The following PCID2 variants were observed in gnomAD, a reference collection of about 807,000 sequenced individuals.
PCID2 encodes PCI domain-containing protein 2.
Under a neutral mutation model 61.3 loss-of-function variants are expected in PCID2, and 41 were observed. That is an observed-to-expected ratio of 0.67 (90% CI 0.52 to 0.87). The LOEUF (loss-of-function observed/expected upper bound fraction) is 0.87. Among genes scored for constraint, PCID2 ranks in the 40% least tolerant of loss-of-function variants. The pLI, the probability that PCID2 is intolerant of heterozygous loss-of-function variation, is 0.00. For missense variants in PCID2, 392 were observed against 493.4 expected (o/e 0.79, Z 1.95); for synonymous variants, 187 against 177.8 (o/e 1.05, Z -0.41).
chr13:113,178,097 C>A lies in PCID2; in HGVS notation c.*101G>T. On this transcript the variant is annotated 3_prime_UTR_variant, in exon 14 of 14. Coordinates refer to ENST00000337344, the MANE Select transcript of PCID2 (RefSeq NM_001127202.4). ...CCTGGGAAAAGCGCCTCCAAGAGTTCCGGCTTCAGGGAGCCTTGTTGCAGT... is the reference window on the plus strand; with the variant it reads ...CCTGGGAAAAGCGCCTCCAAGAGTTACGGCTTCAGGGAGCCTTGTTGCAGT... 1 of 756,686 alleles carries A rather than the reference C, an allele frequency of 1.3e-6. No homozygotes were observed. Among genetic ancestry groups the A allele is most frequent in the Admixed American group, 2.7e-5 (1 of 37,340 alleles). 46.9% of individuals were successfully genotyped at this position (756,686 alleles called of 1,614,324 possible).
At chr13:113,171,626 A>G in the PCID2 span, 1 of 1,614,196 alleles carries the variant, frequency 6.2e-7, no homozygotes, top group Non-Finnish European at 8.5e-7. This position sits in a 1 kb window ranked among gnomAD's most constrained non-coding sequence, Gnocchi z 5.1. Context: ...CCCGCTGATG[A>G]TCAAGATAAC....
intron 10 of PCID2, among the ~76,000 whole-genome samples, chr13:113,180,871 C>T (rs2037568557): frequency 6.6e-6 from 1 of 152,088 alleles, no homozygotes; most frequent in South Asian, 2.1e-4. Flanking sequence ...GTCACATGAA[C>T]GTTAAACTCT....
At chr13:113,194,478 G>A (rs1379548608) in intron 6 of PCID2, among the ~76,000 whole-genome samples, 1 of 152,036 alleles carries the variant, frequency 6.6e-6, no homozygotes, top group Non-Finnish European at 1.5e-5. Flanking sequence ...CAACTCCCAG[G>A]GTTTTAACTG....
the PCID2 span, chr13:113,166,402 T>C: frequency 6.6e-6 from 1 of 152,146 alleles, no homozygotes; most frequent in South Asian, 2.1e-4. Flanking sequence ...GCCGTGTGGA[T>C]GGCACAGCCT....
At chr13:113,207,293 G>C (rs535610048) in intron 1 of PCID2, among the ~76,000 whole-genome samples, 2 of 152,294 alleles carry the variant, frequency 1.3e-5, no homozygotes, top group African/African-American at 4.8e-5. Flanking sequence ...AAGCTAAGTT[G>C]TATGTTTTTA....
chr13:113,197,307 A>G (rs2039089370), intron 3 of PCID2, 64 bp from the exon 4 acceptor site: 2 of 1,147,712 alleles, frequency 1.7e-6, no homozygotes, highest in East Asian at 4.7e-5. Context: ...TGCAGCCCAC[A>G]CAGCTCACTT....
In PCID2 at chr13:113,179,196, A is replaced by C; in HGVS notation, c.987-107T>G. The C allele has an allele frequency of 1.2e-6, 1 of 825,136 alleles. No homozygotes were observed. The highest frequency in any genetic ancestry group is 1.8e-6 in the Non-Finnish European group (1 of 540,660). The allele number at this position is 825,136 out of a possible 1,614,324, so 51.1% of individuals were successfully genotyped here. On this transcript the variant is annotated intron_variant, in intron 12 of 13. Transcript: ENST00000337344. This position sits in a 1 kb window ranked among gnomAD's most constrained non-coding sequence, Gnocchi z 4.3. The stretch of plus-strand genomic sequence containing the variant: ...GCCGGTGTTCTAAAGGAGTAAAAAA[A>C]TTCCCACCTATTAGATAAACTCTAA...
chr13:113,183,429 A>G (rs1343477222), intron 9 of PCID2, among the ~76,000 whole-genome samples: 1 of 152,172 alleles, frequency 6.6e-6, no homozygotes, highest in African/African-American at 2.4e-5. Context: ...GCTTCATATT[A>G]AGAGAAAAAA....
chr13:113,200,991 T>C (rs1211529751), intron 1 of PCID2, among the ~76,000 whole-genome samples: 2 of 152,140 alleles, frequency 1.3e-5, no homozygotes, highest in Non-Finnish European at 2.9e-5. Flanking sequence ...AAGTCAGTGG[T>C]TTATCATGTA....
intron 6 of PCID2, among the ~76,000 whole-genome samples, chr13:113,192,929 C>G (rs1262422543): frequency 6.6e-6 from 1 of 152,002 alleles, no homozygotes; most frequent in Non-Finnish European, 1.5e-5. Context: ...AAGAGAGATC[C>G]CTTGCCCCAT....
rs1044250248 is a variant in PCID2, at chr13:113,185,419, T to C, written c.543+66A>G. ...CCAGGGAGGCTAGCTGATATATATATGATATGTGGGAAGCCCAGGACAATC... is the reference window on the plus strand; with the variant it reads ...CCAGGGAGGCTAGCTGATATATATACGATATGTGGGAAGCCCAGGACAATC... On this transcript the variant is annotated intron_variant, in intron 8 of 13. Transcript: ENST00000337344. 1.5e-5 allele frequency: 16 copies of C among 1,054,908 alleles called. No individual in the cohort carries two copies. In the Admixed American group the frequency reaches 2.2e-4, roughly 15 times the overall value. 65.3% of individuals were successfully genotyped at this position (1,054,908 alleles called of 1,614,324 possible).
Position 113,179,925 on chromosome 13 carries a change from A to C in PCID2, c.978T>G (p.Phe326Leu). Residue 326 changes from phenylalanine (F) to leucine (L), a missense_variant, in exon 12 of 14, where the codon TTT becomes TTG. Around this residue, in one of 3 missense-constraint regions of PCID2, gnomAD observed 226 missense variants for 296.5 expected, o/e 0.76. Coordinates refer to ENST00000337344, the MANE Select transcript of PCID2 (RefSeq NM_001127202.4). The surrounding 1 kb of genome is among the most constrained non-coding windows in gnomAD (Gnocchi z 4.3). The part of the protein sequence containing the change: ...KLKIITYRNL[F>L]KKVYLLLKTH... The stretch of plus-strand genomic sequence containing the variant: ...GCCGGGGAAATGCTTACACTTTCTT[A>C]AAGAGGTTCCTGTAGGTGATGATCT... 6.2e-7 allele frequency: 1 copy of C among 1,612,932 alleles called. No homozygotes were observed. The highest frequency in any genetic ancestry group is 8.5e-7 in the Non-Finnish European group (1 of 1,179,528).
In PCID2 at chr13:113,190,854, C is replaced by T. The variant is rs1430549886; in HGVS notation, c.467+18G>A. ...CCACCAACAGCGTCTGGTGGTCGGT[C>T]CTCAAGTCCTTACTCACGTGTCGCT... On this transcript the variant is annotated intron_variant, in intron 7 of 13. Coordinates refer to ENST00000337344, the MANE Select transcript of PCID2 (RefSeq NM_001127202.4). 5 of 1,545,904 alleles carry T rather than the reference C, an allele frequency of 3.2e-6. No individual in the cohort carries two copies. The South Asian group carries it at 5.6e-5, about 17-fold the overall frequency.
rs1182321503 is a variant in PCID2, at chr13:113,184,459, A to T, written c.572T>A (p.Leu191Gln). The stretch of plus-strand genomic sequence containing the variant: ...GTTTGAGCTGTCAATTGCTCTAATT[A>T]GGGGTTTACATAAATGGAGTTTGTT... ...KINKLHLCKP[L>Q]IRAIDSSNLK... The change falls in exon 9 of 14, where the codon CTA (leucine) becomes CAA (glutamine). Residue 191 changes from leucine to glutamine, a missense_variant. Physicochemically the swap from Leu to Gln is moderately radical, Grantham distance 113. Transcript: ENST00000337344. 3 of 1,587,466 alleles carry T rather than the reference A, an allele frequency of 1.9e-6. No homozygotes were observed. The highest frequency in any genetic ancestry group is 2.6e-6 in the Non-Finnish European group (3 of 1,155,600).
Position 113,179,202 on chromosome 13 carries a change from A to C in PCID2, c.987-113T>G, listed in dbSNP as rs2037392807. The C allele has an allele frequency of 5.0e-6, 4 of 795,862 alleles. No homozygotes were observed. The highest frequency in any genetic ancestry group is 2.7e-5 in the East Asian group (1 of 36,844). The allele number at this position is 795,862 out of a possible 1,614,324, so 49.3% of individuals were successfully genotyped here. On this transcript the variant is annotated intron_variant, in intron 12 of 13. Transcript: ENST00000337344. The surrounding 1 kb of genome is among the most constrained non-coding windows in gnomAD (Gnocchi z 4.3). ...GTTCTAAAGGAGTAAAAAAATTCCCACCTATTAGATAAACTCTAAACTACA... is the reference window on the plus strand; with the variant it reads ...GTTCTAAAGGAGTAAAAAAATTCCCCCCTATTAGATAAACTCTAAACTACA...
Position 113,197,232 on chromosome 13 carries a change from G to A in PCID2, c.212C>T (p.Ala71Val), listed in dbSNP as rs376142406. The change falls in exon 4 of 14, where the codon GCA (alanine) becomes GTA (valine). Residue 71 changes from alanine (A) to valine (V), a missense_variant. Ala to Val is a moderately conservative substitution (Grantham distance 64). This residue lies in a region of PCID2 where 155 missense variants were observed against 164.9 expected (regional missense o/e 0.94). Transcript: ENST00000337344. ...MFAAHLRCTY[A>V]VGNHDFIEAY... ...CTCTATGAAGTCATGATTCCCCACT[G>A]CATAAGTGCACCTGGAGGAGAAACA... The A allele has an allele frequency of 1.4e-5, 23 of 1,610,448 alleles. No homozygotes were observed. The highest frequency in any genetic ancestry group is 1.9e-5 in the Non-Finnish European group (22 of 1,176,780).
At chr13:113,205,169 A>G (rs1227239033) in intron 1 of PCID2, among the ~76,000 whole-genome samples, 2 of 152,226 alleles carry the variant, frequency 1.3e-5, no homozygotes, top group Non-Finnish European at 2.9e-5. Flanking sequence ...ATGAAGAACT[A>G]CTGAAGATTA....
chr13:113,184,343 T>C lies in PCID2; in HGVS notation c.685+3A>G, dbSNP rs368227686. 3.1e-6 allele frequency: 5 copies of C among 1,611,768 alleles called. No individual in the cohort carries two copies. Among genetic ancestry groups the C allele is most frequent in the Non-Finnish European group, 4.2e-6 (5 of 1,178,052 alleles). Reference sequence around the variant, plus strand: ...TACTGGGAAAAAAAGATTAGCAACATACCTTGCTTAAAATCGCTGTCAAAC... The same window carrying C: ...TACTGGGAAAAAAAGATTAGCAACACACCTTGCTTAAAATCGCTGTCAAAC... On this transcript the variant is annotated splice_donor_region_variant and intron_variant, in intron 9 of 13. Coordinates refer to ENST00000337344, the MANE Select transcript of PCID2 (RefSeq NM_001127202.4).
rs527510804 is a variant in PCID2 at position 113,200,258 on chromosome 13, A to C, written c.126+169T>G. Among the ~76,000 whole-genome samples the C allele has an allele frequency of 4.6e-5, 7 of 152,372 alleles. No individual in the cohort carries two copies. The South Asian group carries it at 8.3e-4, about 18-fold the overall frequency. ...ATCACCACAGTGTGCGTACATAGTC[A>C]GTGCTCCACAAATGGATTGAAATTA... On this transcript the variant is annotated intron_variant, in intron 2 of 13. Transcript: ENST00000337344.
Sources: gnomAD v4.1 joint callset for allele counts (sites outside exome capture counted in the v4.1 genomes callset) on GRCh38, gnomAD v4.1.1 for gene constraint, gnomAD v4.1.1 regional missense constraint, Gnocchi (gnomAD v3.1) non-coding constraint, MANE v1.5 for transcripts, NCBI Gene and HGNC (gene_info 2026-07-23, HGNC 2026-07-21) for gene names.